The following AGTPBP1 variants were observed in gnomAD, a reference collection of about 807,000 sequenced individuals.
AGTPBP1 encodes cytosolic carboxypeptidase 1.
Under a neutral mutation model 143.9 loss-of-function variants are expected in AGTPBP1, and 70 were observed. That is an observed-to-expected ratio of 0.49 (90% CI 0.40 to 0.59). AGTPBP1 has a LOEUF of 0.59. Ranked by LOEUF, AGTPBP1 falls within the 20% of genes least tolerant of loss-of-function variation. The pLI is 0.00. For missense variants in AGTPBP1, 1,229 were observed against 1,464.5 expected, an observed-to-expected ratio of 0.84 and a Z score of 2.62; for synonymous variants, 463 against 500.2, an observed-to-expected ratio of 0.93 and a Z score of 0.99.
chr9:85,599,989 C>T (rs759138849), intron 17 of AGTPBP1, among the ~76,000 whole-genome samples: 1 of 152,200 alleles, frequency 6.6e-6, no homozygotes, highest in African/African-American at 2.4e-5. Flanking sequence ...TCTATGCCCC[C>T]ATTTTCTCTT....
chr9:85,604,822 G>A (rs777409424), intron 17 of AGTPBP1, among the ~76,000 whole-genome samples: 9 of 152,212 alleles, frequency 5.9e-5, no homozygotes, highest in East Asian at 1.9e-4. Flanking sequence ...TTATGGCACT[G>A]AAAAGTTCAA....
intron 25 of AGTPBP1, among the ~76,000 whole-genome samples, chr9:85,563,624 G>A (rs1222008092): frequency 1.3e-5 from 2 of 152,192 alleles, no homozygotes; most frequent in African/African-American, 2.4e-5. Flanking sequence ...TGTCTATATT[G>A]TAACAAACGA....
the AGTPBP1 span, among the ~76,000 whole-genome samples, chr9:85,778,975 C>T: frequency 1.3e-5 from 2 of 152,102 alleles, no homozygotes; most frequent in Non-Finnish European, 2.9e-5. Context: ...ACAGTTCATG[C>T]CAAGGACTAT....
chr9:85,717,093 C>A (rs1262196143), intron 1 of AGTPBP1, among the ~76,000 whole-genome samples: 2 of 152,234 alleles, frequency 1.3e-5, no homozygotes, highest in East Asian at 1.9e-4. Context: ...CCCATCCCAA[C>A]CAACCTATTT....
At chr9:85,589,811 G>C (rs2133207048) in intron 19 of AGTPBP1, 130 bp from the exon 20 acceptor site, 2 of 875,594 alleles carry the variant, frequency 2.3e-6, no homozygotes, top group East Asian at 5.4e-5. Flanking sequence ...AAAACCCTCA[G>C]GGCCAGATGT....
At chr9:85,718,893 C>T (rs1837908502) in intron 1 of AGTPBP1, among the ~76,000 whole-genome samples, 1 of 152,102 alleles carries the variant, frequency 6.6e-6, no homozygotes, top group Admixed American at 6.6e-5. Flanking sequence ...ATATGGCTCG[C>T]CAGTTTTCCC....
intron 17 of AGTPBP1, among the ~76,000 whole-genome samples, chr9:85,604,855 A>C (rs1042054416): frequency 4.0e-4 from 61 of 152,308 alleles, no homozygotes; most frequent in African/African-American, 1.4e-3. Context: ...AGAATGCATT[A>C]TAGTGTCTCA....
At chr9:85,659,106 ATAAG>A (rs1302549140) in intron 9 of AGTPBP1, among the ~76,000 whole-genome samples, 1 of 152,194 alleles carries the variant, frequency 6.6e-6, no homozygotes, top group African/African-American at 2.4e-5. Context: ...TTCTTCACAA[ATAAG>A]TAAGAAACTT....
intron 15 of AGTPBP1, 91 bp from the exon 16 acceptor site, chr9:85,619,392 C>T (rs1476860291): frequency 1.2e-6 from 1 of 845,880 alleles, no homozygotes; most frequent in Non-Finnish European, 1.8e-6. Context: ...AAAAATACAT[C>T]ACTACTGCCA....
At chr9:85,558,826 C>T (rs1587622163) in intron 25 of AGTPBP1, among the ~76,000 whole-genome samples, 1 of 152,228 alleles carries the variant, frequency 6.6e-6, no homozygotes, top group South Asian at 2.1e-4. Context: ...ACCACGTTGC[C>T]CAGGCTGGTC....
intron 17 of AGTPBP1, among the ~76,000 whole-genome samples, chr9:85,610,752 T>C (rs1295211215): frequency 1.3e-5 from 2 of 152,212 alleles, no homozygotes; most frequent in Non-Finnish European, 1.5e-5. Flanking sequence ...AAGTTTCCAC[T>C]GCACATACTT....
intron 1 of AGTPBP1, among the ~76,000 whole-genome samples, chr9:85,734,441 TGTTACA>T (rs1008430740): frequency 6.6e-6 from 1 of 151,138 alleles, no homozygotes; most frequent in African/African-American, 2.4e-5. Context: ...GTCAGACAGA[TGTTACA>T]AGAAAATGAC....
the AGTPBP1 span, among the ~76,000 whole-genome samples, chr9:85,752,205 A>C: frequency 0.62 from 93,350 of 151,776 alleles, 30,120 homozygotes; most frequent in Non-Finnish European, 0.72. Context: ...GCTATTGCAT[A>C]CAGCCTGGGT....
intron 14 of AGTPBP1, among the ~76,000 whole-genome samples, chr9:85,624,309 C>G (rs1392806113): frequency 6.6e-6 from 1 of 152,032 alleles, no homozygotes; most frequent in African/African-American, 2.4e-5. Flanking sequence ...TGATATAGAC[C>G]AGGGTTTGAC....
chr9:85,645,724 A>G (rs1344752669), intron 12 of AGTPBP1, among the ~76,000 whole-genome samples: 1 of 152,210 alleles, frequency 6.6e-6, no homozygotes, highest in Non-Finnish European at 1.5e-5. Flanking sequence ...TACAGATGCT[A>G]GAGTAGTCCT....
intron 14 of AGTPBP1, among the ~76,000 whole-genome samples, chr9:85,632,026 T>C (rs1259640101): frequency 5.3e-5 from 8 of 152,162 alleles, no homozygotes; most frequent in African/African-American, 1.2e-4. Context: ...AATAATACTG[T>C]CTATATTGTT....
chr9:85,552,692 TA>T (rs1447614676), intron 25 of AGTPBP1, among the ~76,000 whole-genome samples: 1 of 152,216 alleles, frequency 6.6e-6, no homozygotes, highest in African/African-American at 2.4e-5. Context: ...AAGAAAACAG[TA>T]AATCAACCTT....
At position 85,669,574 on chromosome 9, in the gene AGTPBP1, C is replaced by A; in HGVS notation, c.573G>T (p.Val191=). The A allele has an allele frequency of 6.2e-7, 1 of 1,608,762 alleles. No homozygotes were observed. The highest frequency in any genetic ancestry group is 8.5e-7 in the Non-Finnish European group (1 of 1,175,910). The change falls in exon 8 of 26, where the codon GTG becomes GTT. Residue 191 remains valine, a synonymous_variant. Transcript: ENST00000357081. ...QLLRVYSANS[V]NSVSLGKNGV... ...CATTTTTCCCTAAGGATACTGAATT[C>A]ACAGCTGAGAGGGGGAGAAAGAGAT...
At chr9:85,558,645 A>C (rs1479042171) in intron 25 of AGTPBP1, among the ~76,000 whole-genome samples, 1 of 152,146 alleles carries the variant, frequency 6.6e-6, no homozygotes, top group Non-Finnish European at 1.5e-5. Flanking sequence ...CCAAGGTCTC[A>C]TTCTGTTACC....
Sources: gnomAD v4.1 joint callset for allele counts (sites outside exome capture counted in the v4.1 genomes callset) on GRCh38, gnomAD v4.1.1 for gene constraint, MANE v1.5 for transcripts, NCBI Gene and HGNC (gene_info 2026-07-23, HGNC 2026-07-21) for gene names.